The following NRXN3 variants were observed in gnomAD, a reference collection of about 807,000 sequenced individuals.
The protein encoded by NRXN3 is neurexin III.
A neutral mutation model predicts 137.6 loss-of-function variants in NRXN3; 32 were observed. The ratio of observed to expected loss-of-function variants is 0.23; its 90% confidence interval spans 0.18 to 0.31. NRXN3 has a LOEUF of 0.31. Among genes scored for constraint, NRXN3 ranks in the 10% least tolerant of loss-of-function variants. NRXN3 has a pLI of 1.00. For synonymous variants in NRXN3, 798 were observed against 784.5 expected (o/e 1.02, Z -0.29); for missense variants, 1,574 against 2,062.5 (o/e 0.76, Z 4.59).
At chr14:78,344,521 T>C (rs1244920086) in intron 4 of NRXN3, among the ~76,000 whole-genome samples, 3 of 152,194 alleles carry the variant, frequency 2.0e-5, no homozygotes, top group African/African-American at 7.2e-5. Flanking sequence ...GCATCCTCCC[T>C]TCCTCCTGCA....
intron 10 of NRXN3, among the ~76,000 whole-genome samples, chr14:78,834,314 G>T (rs1240540545): frequency 1.3e-5 from 2 of 152,136 alleles, no homozygotes; most frequent in African/African-American, 4.8e-5. Flanking sequence ...GCACAAAGAA[G>T]AAAGATGGAG....
chr14:79,565,250 T>A (rs2097536219), intron 16 of NRXN3, among the ~76,000 whole-genome samples: 1 of 37,648 alleles, frequency 2.7e-5, no homozygotes, highest in Admixed American at 2.8e-4. Flanking sequence ...TGTGTGTGTA[T>A]ATATACATAT....
At chr14:78,236,071 A>C (rs2066255751) in intron 1 of NRXN3, among the ~76,000 whole-genome samples, 1 of 152,230 alleles carries the variant, frequency 6.6e-6, no homozygotes, top group South Asian at 2.1e-4. Context: ...GACATAACAA[A>C]AATAATAGAT....
intron 15 of NRXN3, among the ~76,000 whole-genome samples, chr14:79,301,613 T>C (rs557970532): frequency 3.3e-5 from 5 of 152,024 alleles, no homozygotes; most frequent in Non-Finnish European, 7.4e-5. Flanking sequence ...CCCTTGCACA[T>C]CATCCCTTGG....
At chr14:78,419,222 T>C (rs902585262) in intron 4 of NRXN3, among the ~76,000 whole-genome samples, 2 of 152,154 alleles carry the variant, frequency 1.3e-5, no homozygotes, top group Non-Finnish European at 2.9e-5. Context: ...AAGCCTCTAG[T>C]CCAACTTTTT....
chr14:78,870,318 A>T (rs2099098193), intron 10 of NRXN3, among the ~76,000 whole-genome samples: 1 of 152,204 alleles, frequency 6.6e-6, no homozygotes, highest in African/African-American at 2.4e-5. Context: ...ATGTTGGCTG[A>T]TCTGATTATA....
rs879546157 is a variant in NRXN3, at chr14:79,000,237, TGA to T, written c.3262+12097_3262+12098del. 1.4e-3 allele frequency among the ~76,000 whole-genome samples: 208 copies of T among 152,284 alleles called. 1 individual carries two copies. Among genetic ancestry groups the T allele is most frequent in the African/African-American group, 4.5e-3 (187 of 41,558 alleles). On this transcript the variant is annotated intron_variant, in intron 15 of 20. Coordinates refer to ENST00000335750, the MANE Select transcript of NRXN3 (RefSeq NM_001330195.2). ...TTTTACTCAGATATTCTTATGTGAG[TGA>T]AATCAAATGCATGTATGTGCATACA...
chr14:78,547,525 G>A (rs2096648213), intron 4 of NRXN3, among the ~76,000 whole-genome samples: 1 of 151,954 alleles, frequency 6.6e-6, no homozygotes, highest in African/African-American at 2.4e-5. Context: ...TAGCCGATGG[G>A]ATCCTAATTG....
At chr14:78,918,285 CAA>C (rs71454807) in intron 10 of NRXN3, among the ~76,000 whole-genome samples, 72 of 34,644 alleles carry the variant, frequency 2.1e-3, no homozygotes, top group Non-Finnish European at 2.3e-3. Context: ...AACTCCATCT[CAA>C]AAAAAAAAAA....
chr14:79,409,617 C>CTATATATATATATATA (rs796485268), intron 15 of NRXN3, among the ~76,000 whole-genome samples: 37 of 112,112 alleles, frequency 3.3e-4, no homozygotes, highest in Non-Finnish European at 4.5e-4. Flanking sequence ...GTGTGTGTGT[C>CTATATATATATATATA]TATATATATA....
intron 10 of NRXN3, among the ~76,000 whole-genome samples, chr14:78,930,545 C>T (rs550548976): frequency 1.3e-5 from 2 of 152,096 alleles, no homozygotes; most frequent in Non-Finnish European, 1.5e-5. Flanking sequence ...AATTACAGCA[C>T]GAAGTGCTAC....
chr14:79,453,276 A>G (rs2096205859), intron 15 of NRXN3, among the ~76,000 whole-genome samples: 1 of 152,202 alleles, frequency 6.6e-6, no homozygotes. Flanking sequence ...ACTGCACTCC[A>G]GCCTGGACGA....
intron 4 of NRXN3, among the ~76,000 whole-genome samples, chr14:78,462,395 GA>G (rs1487586911): frequency 6.6e-6 from 1 of 152,172 alleles, no homozygotes; most frequent in African/African-American, 2.4e-5. Flanking sequence ...ATAAGCAGAT[GA>G]GGGGGGTGCT....
At chr14:79,844,281 C>G (rs560379239) in intron 20 of NRXN3, among the ~76,000 whole-genome samples, 2 of 151,288 alleles carry the variant, frequency 1.3e-5, no homozygotes, top group East Asian at 1.9e-4. Context: ...TAAACTTCCT[C>G]CCACCTCCTG....
intron 4 of NRXN3, among the ~76,000 whole-genome samples, chr14:78,322,440 T>C (rs1183608675): frequency 6.6e-6 from 1 of 152,002 alleles, no homozygotes; most frequent in Non-Finnish European, 1.5e-5. Context: ...AGTAGTATTG[T>C]GTAATGTTGT....
intron 4 of NRXN3, among the ~76,000 whole-genome samples, chr14:78,324,224 A>G (rs1185622989): frequency 1.3e-5 from 2 of 152,054 alleles, no homozygotes; most frequent in African/African-American, 4.8e-5. Flanking sequence ...ATGGGGTATG[A>G]GGATCTGATG....
chr14:78,421,482 G>A lies in NRXN3; in HGVS notation c.757+123622G>A, dbSNP rs185700562. 4.1e-3 allele frequency among the ~76,000 whole-genome samples: 621 copies of A among 152,138 alleles called. 9 individuals are homozygous for A. Among genetic ancestry groups the A allele is most frequent in the African/African-American group, 0.014 (594 of 41,508 alleles). ...CCATTAAAAACTACGTTTTAGGAGA[G>A]TATTTAATAATGGGGATATTATAGA... On this transcript the variant is annotated intron_variant, in intron 4 of 20. Coordinates refer to ENST00000335750, the MANE Select transcript of NRXN3 (RefSeq NM_001330195.2).
intron 6 of NRXN3, among the ~76,000 whole-genome samples, chr14:78,652,077 AG>A (rs1404587653): frequency 6.6e-6 from 1 of 152,226 alleles, no homozygotes; most frequent in Non-Finnish European, 1.5e-5. Flanking sequence ...CAAATAGGAA[AG>A]CTCTAGCTAA....
At position 78,645,325 on chromosome 14, in the gene NRXN3, G is replaced by A. The variant is rs565933723; in HGVS notation, c.963G>A (p.Leu321=). ...GTGCGGTCTCCTTGGTCATTAACCT[G>A]GGGTCCGGGGCCTTTGAGGCCATTG... The part of the protein sequence containing the change: ...KDGAVSLVIN[L]GSGAFEAIVE... The change falls in exon 5 of 21, where the codon CTG becomes CTA. Residue 321 remains leucine (L), a synonymous_variant. Transcript: ENST00000335750. 6.9e-6 allele frequency: 11 copies of A among 1,598,728 alleles called. No homozygotes were observed. In the African/African-American group the frequency reaches 1.3e-4, roughly 19 times the overall value.
Sources: allele counts gnomAD v4.1 joint callset (sites outside exome capture counted in the v4.1 genomes callset), GRCh38; gene constraint gnomAD v4.1.1; transcripts MANE v1.5; gene names NCBI Gene and HGNC (gene_info 2026-07-23, HGNC 2026-07-21).